Variants in PRR5L observed in about 807,000 individuals in gnomAD.
PRR5L encodes the protein proline-rich protein 5-like.
A neutral mutation model predicts 36.4 loss-of-function variants in PRR5L; 21 were observed. That is an observed-to-expected ratio of 0.58 (90% confidence interval 0.41 to 0.83). The LOEUF (loss-of-function observed/expected upper bound fraction) is 0.83. PRR5L is among the 40% of genes least tolerant of loss of function. The pLI is 0.00. For synonymous variants in PRR5L, 188 were observed against 197.0 expected, an observed-to-expected ratio of 0.95 and a Z score of 0.38; for missense variants, 381 against 473.3, an observed-to-expected ratio of 0.80 and a Z score of 1.81.
intron 8 of PRR5L, among the ~76,000 whole-genome samples, chr11:36,456,526 G>C (rs143124302): frequency 6.6e-6 from 1 of 152,336 alleles, no homozygotes; most frequent in African/African-American, 2.4e-5. Context: ...CCAGGGTGCT[G>C]TCGTCTCTAT....
In PRR5L at chr11:36,462,996, C is replaced by T; in HGVS notation, c.*260C>T. On this transcript the variant is annotated 3_prime_UTR_variant, in exon 9 of 9. Transcript: ENST00000530639. ...ACTTTCTGACTCCAGCCTTGCCAGC[C>T]TGACTCAGATCCTCATCTCTGGGCC... 1 of 390,650 alleles carries T rather than the reference C, an allele frequency of 2.6e-6. No individual in the cohort carries two copies. The highest frequency in any genetic ancestry group is 8.0e-5 in the South Asian group (1 of 12,498). The allele number at this position is 390,650 out of a possible 1,614,324, so 24.2% of individuals were successfully genotyped here.
chr11:36,404,045 A>G (rs1857856336), intron 3 of PRR5L, among the ~76,000 whole-genome samples: 1 of 152,176 alleles, frequency 6.6e-6, no homozygotes, highest in Non-Finnish European at 1.5e-5. Flanking sequence ...CATCCATGGA[A>G]ATTACCTAGG....
At chr11:36,328,383 A>T (rs1856686023) in intron 1 of PRR5L, among the ~76,000 whole-genome samples, 1 of 151,980 alleles carries the variant, frequency 6.6e-6, no homozygotes, top group South Asian at 2.1e-4. Context: ...GGGCGCATTT[A>T]CCCCTTTGGT....
intron 1 of PRR5L, among the ~76,000 whole-genome samples, chr11:36,299,004 G>T (rs10836531): frequency 0.32 from 48,329 of 152,084 alleles, 8,513 homozygotes; most frequent in Non-Finnish European, 0.39. Context: ...TCTAAATGCA[G>T]TCACATTCTA....
chr11:36,401,239 G>C lies in PRR5L; in HGVS notation c.118G>C (p.Ala40Pro), dbSNP rs1010966587. The C allele has an allele frequency of 1.9e-6, 3 of 1,613,540 alleles. No homozygotes were observed. The African/African-American group carries it at 4.0e-5, about 22-fold the overall frequency. The change falls in exon 2 of 9, where the codon GCA (alanine) becomes CCA (proline). Residue 40 changes from alanine (A) to proline (P), a missense_variant. Physicochemically the swap from Ala to Pro is conservative, Grantham distance 27. Transcript: ENST00000530639. ...GCTCAGCGACCTTCCCCGATTCCAA[G>C]CAGCTCGGCAGGCTCTGCAGCTGAG... The part of the protein sequence containing the change: ...PVLSDLPRFQ[A>P]ARQALQLSSS...
chr11:36,439,462 C>G (rs897455240), intron 6 of PRR5L, among the ~76,000 whole-genome samples: 2 of 152,164 alleles, frequency 1.3e-5, no homozygotes, highest in African/African-American at 4.8e-5. Context: ...CCCTGTTCAC[C>G]TCCTCACTCC....
chr11:36,357,043 A>G (rs1196663454), intron 1 of PRR5L, among the ~76,000 whole-genome samples: 1 of 152,230 alleles, frequency 6.6e-6, no homozygotes, highest in Non-Finnish European at 1.5e-5. Context: ...TGAAATTAAA[A>G]GTGCTACTCC....
chr11:36,323,643 A>T (rs1856634272), intron 1 of PRR5L, among the ~76,000 whole-genome samples: 1 of 152,150 alleles, frequency 6.6e-6, no homozygotes, highest in Non-Finnish European at 1.5e-5. Context: ...CACTATTTTG[A>T]TTTGACTTTC....
Position 36,446,404 on chromosome 11 carries a change from G to C in PRR5L, c.549G>C (p.Leu183=). The C allele has an allele frequency of 6.2e-7, 1 of 1,614,172 alleles. No individual in the cohort carries two copies. The highest frequency in any genetic ancestry group is 8.5e-7 in the Non-Finnish European group (1 of 1,180,046). The change falls in exon 7 of 9, where the codon CTG becomes CTC. Residue 183 remains leucine, a synonymous_variant. Transcript: ENST00000530639. ...GDLLLLAQSK[L]PSSIVQMLLI... Reference sequence around the variant, plus strand: ...TGCTGCTGCTGGCCCAGTCCAAGCTGCCCTCGTCCATTGTCCAGATGTTGC... The same window carrying C: ...TGCTGCTGCTGGCCCAGTCCAAGCTCCCCTCGTCCATTGTCCAGATGTTGC...
At chr11:36,426,750 A>G (rs1383936466) in intron 4 of PRR5L, among the ~76,000 whole-genome samples, 1 of 152,234 alleles carries the variant, frequency 6.6e-6, no homozygotes, top group Non-Finnish European at 1.5e-5. Context: ...GTAAAAACCA[A>G]TAACTGACTC....
At chr11:36,307,634 CT>C (rs1162577088) in intron 1 of PRR5L, among the ~76,000 whole-genome samples, 1 of 152,142 alleles carries the variant, frequency 6.6e-6, no homozygotes, top group Non-Finnish European at 1.5e-5. Context: ...AGTTTTTCCC[CT>C]TTCCTTTCCT....
At chr11:36,392,777 G>A (rs942823786) in intron 1 of PRR5L, among the ~76,000 whole-genome samples, 1 of 152,102 alleles carries the variant, frequency 6.6e-6, no homozygotes, top group African/African-American at 2.4e-5. Flanking sequence ...AAAACCATCA[G>A]ATCTCATGAG....
chr11:36,444,110 C>T (rs796693894), intron 6 of PRR5L, among the ~76,000 whole-genome samples: 6 of 152,332 alleles, frequency 3.9e-5, no homozygotes, highest in South Asian at 2.1e-4. Context: ...CACACACACA[C>T]GTGTGCAAAT....
At chr11:36,414,636 T>C (rs868727003) in intron 3 of PRR5L, among the ~76,000 whole-genome samples, 3,564 of 141,284 alleles carry the variant, frequency 0.025, 71 homozygotes, top group East Asian at 0.055. Flanking sequence ...GAGTAGGTTG[T>C]GAAAATTTTC....
intron 1 of PRR5L, chr11:36,350,208 G>C (rs575039234): frequency 2.1e-5 from 3 of 144,180 alleles, no homozygotes; most frequent in Non-Finnish European, 4.6e-5. Context: ...GTGTGAGTGT[G>C]TGTGGGGTGG....
At chr11:36,346,389 C>T (rs571308630) in intron 1 of PRR5L, among the ~76,000 whole-genome samples, 2 of 152,226 alleles carry the variant, frequency 1.3e-5, no homozygotes, top group African/African-American at 4.8e-5. Context: ...CGAGACCATC[C>T]TGGCTAACAT....
chr11:36,346,463 G>A (rs1856866759), intron 1 of PRR5L, among the ~76,000 whole-genome samples: 1 of 152,018 alleles, frequency 6.6e-6, no homozygotes, highest in Non-Finnish European at 1.5e-5. Context: ...GGAGTCTGTA[G>A]TCCCAGCTAC....
chr11:36,399,233 T>C (rs1282555815), intron 1 of PRR5L, among the ~76,000 whole-genome samples: 12 of 152,194 alleles, frequency 7.9e-5, no homozygotes, highest in Admixed American at 7.2e-4. Context: ...ACTGTTGAAC[T>C]CATTCTGAGC....
At chr11:36,301,235 A>G (rs1040831375) in intron 1 of PRR5L, among the ~76,000 whole-genome samples, 1 of 151,800 alleles carries the variant, frequency 6.6e-6, no homozygotes, top group Non-Finnish European at 1.5e-5. Flanking sequence ...GGAGCTTCCA[A>G]ATTGGAACTT....
Sources: allele counts gnomAD v4.1 joint callset (sites outside exome capture counted in the v4.1 genomes callset), GRCh38; gene constraint gnomAD v4.1.1; transcripts MANE v1.5; gene names NCBI Gene and HGNC (gene_info 2026-07-23, HGNC 2026-07-21).